WWOX: variants seen among roughly 807,000 people sequenced by gnomAD.
WWOX encodes WW domain-containing oxidoreductase.
In WWOX, 69 loss-of-function variants were observed where a neutral mutation model predicts 46.2. The ratio of observed to expected loss-of-function variants is 1.49; its 90% CI spans 1.23 to 1.82. The LOEUF (loss-of-function observed/expected upper bound fraction) is 1.82, where lower values mean the gene tolerates loss of function less well. Ranked by LOEUF, WWOX falls within the 40% of genes most tolerant of loss-of-function variation. The pLI is 0.00. For synonymous variants in WWOX, 359 were observed against 202.6 expected, an observed-to-expected ratio of 1.77 and a Z score of -6.56; for missense variants, 919 against 542.6, an observed-to-expected ratio of 1.69 and a Z score of -6.89.
chr16:78,525,123 C>G (rs1300089990), intron 8 of WWOX: 3 of 150,864 alleles, frequency 2.0e-5, no homozygotes, highest in Admixed American at 2.0e-4. Context: ...GCCTTGGTCT[C>G]TCCAAGTGCT....
At chr16:78,370,867 C>T (rs868202375) in intron 5 of WWOX, among the ~76,000 whole-genome samples, 3 of 138,850 alleles carry the variant, frequency 2.2e-5, no homozygotes, top group South Asian at 2.3e-4. Flanking sequence ...TTTTCTATTT[C>T]TGTTTCATTG....
At chr16:78,359,897 G>A (rs1245599262) in intron 5 of WWOX, among the ~76,000 whole-genome samples, 3 of 152,188 alleles carry the variant, frequency 2.0e-5, no homozygotes, top group Non-Finnish European at 4.4e-5. Context: ...TGAATTTTGT[G>A]ACTTGGAAGA....
At chr16:78,402,184 C>T (rs996540729) in intron 6 of WWOX, among the ~76,000 whole-genome samples, 2 of 152,244 alleles carry the variant, frequency 1.3e-5, no homozygotes, top group Non-Finnish European at 2.9e-5. Context: ...TGCTTTCTAT[C>T]TCTACCTGTT....
At chr16:78,481,175 G>A (rs935234606) in intron 8 of WWOX, among the ~76,000 whole-genome samples, 2 of 152,192 alleles carry the variant, frequency 1.3e-5, no homozygotes, top group East Asian at 3.9e-4. Flanking sequence ...AATGATCCAA[G>A]TTTATAATTT....
At chr16:78,172,551 G>A (rs990572419) in intron 5 of WWOX, among the ~76,000 whole-genome samples, 2 of 148,970 alleles carry the variant, frequency 1.3e-5, no homozygotes, top group Non-Finnish European at 3.0e-5. Flanking sequence ...AGTCTTGAAT[G>A]TTATTCATTG....
intron 5 of WWOX, among the ~76,000 whole-genome samples, chr16:78,261,450 A>G (rs2079232289): frequency 6.9e-6 from 1 of 145,070 alleles, no homozygotes; most frequent in Admixed American, 6.8e-5. Flanking sequence ...TGTAAAAGGT[A>G]TCATAGCTGT....
At chr16:78,397,684 A>G (rs1054419525) in intron 6 of WWOX, among the ~76,000 whole-genome samples, 11 of 152,340 alleles carry the variant, frequency 7.2e-5, no homozygotes, top group Non-Finnish European at 1.5e-4. Context: ...GCCTAGTGGG[A>G]CAATTAGAAA....
chr16:78,617,456 A>G (rs1336089372), intron 8 of WWOX, among the ~76,000 whole-genome samples: 2 of 151,532 alleles, frequency 1.3e-5, no homozygotes, highest in Non-Finnish European at 2.9e-5. Context: ...TTGCCTAAGT[A>G]TTTCGTGAAA....
rs28403018 is a variant in WWOX, at chr16:79,025,598, C to T, written c.1057-186010C>T. ...CACAAATAGGTTCTCCTCAGAGCCC[C>T]CAGAAGGAACTAAGCCTTCTCACAC... On this transcript the variant is annotated intron_variant, in intron 8 of 8. Coordinates refer to ENST00000566780, the MANE Select transcript of WWOX (RefSeq NM_016373.4). 3.8e-3 allele frequency among the ~76,000 whole-genome samples: 577 copies of T among 152,152 alleles called. 4 individuals are homozygous for T. The highest frequency in any genetic ancestry group is 0.013 in the African/African-American group (545 of 41,512).
At chr16:79,036,361 T>C (rs1203879522) in intron 8 of WWOX, among the ~76,000 whole-genome samples, 1 of 152,216 alleles carries the variant, frequency 6.6e-6, no homozygotes, top group Non-Finnish European at 1.5e-5. Context: ...GACAGTACCC[T>C]TTATGTTCAA....
At chr16:78,727,974 TTTA>T (rs756968358) in intron 8 of WWOX, among the ~76,000 whole-genome samples, 13 of 151,792 alleles carry the variant, frequency 8.6e-5, no homozygotes, top group African/African-American at 2.9e-4. Flanking sequence ...AGTCAAATTC[TTTA>T]TTAATTCGTT....
chr16:79,112,171 A>G (rs1235389292), intron 8 of WWOX, among the ~76,000 whole-genome samples: 1 of 152,150 alleles, frequency 6.6e-6, no homozygotes, highest in African/African-American at 2.4e-5. Context: ...TCATCTTTAA[A>G]TAATTAATTC....
intron 8 of WWOX, among the ~76,000 whole-genome samples, chr16:79,065,587 T>A (rs562925512): frequency 6.6e-6 from 1 of 152,214 alleles, no homozygotes; most frequent in South Asian, 2.1e-4. Context: ...AATAGTGATG[T>A]TATCTACAGG....
At chr16:78,419,623 A>G in intron 6 of WWOX, among the ~76,000 whole-genome samples, 1 of 138,756 alleles carries the variant, frequency 7.2e-6, no homozygotes, top group East Asian at 2.2e-4. Flanking sequence ...AGCAAAAAAT[A>G]GCAAAAAAAA....
At chr16:79,193,406 C>G (rs1011082914) in intron 8 of WWOX, among the ~76,000 whole-genome samples, 4 of 152,198 alleles carry the variant, frequency 2.6e-5, no homozygotes, top group African/African-American at 9.6e-5. Context: ...TTCTTTATGC[C>G]TCACTGAAAC....
intron 5 of WWOX, among the ~76,000 whole-genome samples, chr16:78,380,974 A>T (rs1364927062): frequency 6.6e-6 from 1 of 151,854 alleles, no homozygotes; most frequent in African/African-American, 2.4e-5. Flanking sequence ...CTTCACTCTA[A>T]CCATAGAAGG....
chr16:78,702,035 ATATATAT>A (rs1567501713), intron 8 of WWOX, among the ~76,000 whole-genome samples: 2 of 127,862 alleles, frequency 1.6e-5, no homozygotes, highest in African/African-American at 6.9e-5. Flanking sequence ...ATATATATAT[ATATATAT>A]ATAAAATAAT....
At chr16:78,990,205 G>T (rs1051041454) in intron 8 of WWOX, among the ~76,000 whole-genome samples, 1 of 145,772 alleles carries the variant, frequency 6.9e-6, no homozygotes, top group South Asian at 2.1e-4. Context: ...AAAAAAAAGA[G>T]AGAGAGGTTG....
At chr16:78,369,314 G>T (rs994899715) in intron 5 of WWOX, among the ~76,000 whole-genome samples, 2 of 151,866 alleles carry the variant, frequency 1.3e-5, no homozygotes, top group African/African-American at 4.8e-5. Flanking sequence ...ATACTCAGGG[G>T]TATCTTTTAA....
Sources: allele counts gnomAD v4.1 joint callset (sites outside exome capture counted in the v4.1 genomes callset), GRCh38; gene constraint gnomAD v4.1.1; transcripts MANE v1.5; gene names NCBI Gene and HGNC (gene_info 2026-07-23, HGNC 2026-07-21).